Variants in SUFU observed in about 807,000 individuals in gnomAD.
SUFU encodes the protein SUFU negative regulator of hedgehog signaling, also known as suppressor of fused homolog.
A neutral mutation model predicts 58.9 loss-of-function variants in SUFU; 7 were observed. The ratio of observed to expected loss-of-function variants is 0.12; its 90% CI spans 0.07 to 0.22. The LOEUF is 0.22. SUFU is among the 10% of genes least tolerant of loss of function. SUFU has a pLI of 1.00. For synonymous variants in SUFU, 232 were observed against 254.8 expected (o/e 0.91, Z 0.85); for missense variants, 451 against 641.3 (o/e 0.70, Z 3.20).
At chr10:102,532,056 G>A (rs1162230416) in intron 2 of SUFU, among the ~76,000 whole-genome samples, 1 of 151,880 alleles carries the variant, frequency 6.6e-6, no homozygotes, top group Non-Finnish European at 1.5e-5. Flanking sequence ...TCTGCCTCCC[G>A]AGTTCAAGCA....
At chr10:102,544,457 T>C (rs1268541328) in intron 2 of SUFU, among the ~76,000 whole-genome samples, 1 of 152,110 alleles carries the variant, frequency 6.6e-6, no homozygotes, top group African/African-American at 2.4e-5. Context: ...TCCCAGCACT[T>C]TGGGAGGCCG....
At chr10:102,525,251 C>T (rs565523683) in intron 2 of SUFU, among the ~76,000 whole-genome samples, 3 of 152,190 alleles carry the variant, frequency 2.0e-5, no homozygotes, top group South Asian at 2.1e-4. Context: ...GCTGGGATTA[C>T]AGGGCACGCT....
chr10:102,541,255 T>C (rs1179878963), intron 2 of SUFU, among the ~76,000 whole-genome samples: 1 of 152,194 alleles, frequency 6.6e-6, no homozygotes, highest in East Asian at 1.9e-4. Flanking sequence ...GTTACCCACC[T>C]CCACACCCTG....
In SUFU at chr10:102,615,402, G is replaced by A. The variant is rs767814106; in HGVS notation, c.1157G>A (p.Arg386Lys). ...ESGALIPLCL[R>K]GRLLHGRHFT... ...GGAGCCCTCATTCCTCTCTGCCTAA[G>A]GTGAGCGAGACAGCCCTGCCACACA... Residue 386 changes from arginine to lysine, a missense_variant and splice_region_variant, in exon 9 of 12, where the codon AGG becomes AAG. Arg to Lys is a conservative substitution (Grantham distance 26). Coordinates refer to ENST00000369902, the MANE Select transcript of SUFU (RefSeq NM_016169.4). The A allele has an allele frequency of 4.3e-6, 7 of 1,613,860 alleles. 1 individual carries two copies. The South Asian group carries it at 5.5e-5, about 13-fold the overall frequency.
At chr10:102,584,156 GTGTT>G (rs2063313342) in intron 3 of SUFU, among the ~76,000 whole-genome samples, 1 of 152,190 alleles carries the variant, frequency 6.6e-6, no homozygotes, top group African/African-American at 2.4e-5. Context: ...CTTAGATACT[GTGTT>G]TGGGCAAGTT....
chr10:102,589,962 G>GTT (rs961779456), intron 3 of SUFU, among the ~76,000 whole-genome samples: 13 of 145,192 alleles, frequency 9.0e-5, no homozygotes, highest in Admixed American at 4.8e-4. Flanking sequence ...CCAAATCTGA[G>GTT]TTTTTTTTTT....
chr10:102,582,972 C>G (rs1590052743), intron 3 of SUFU, among the ~76,000 whole-genome samples: 2 of 152,190 alleles, frequency 1.3e-5, no homozygotes, highest in Admixed American at 6.5e-5. Flanking sequence ...AGGAAGCCAG[C>G]TCCTGTAACC....
intron 6 of SUFU, among the ~76,000 whole-genome samples, 200 bp downstream of exon 6, chr10:102,594,265 A>G (rs982794314): frequency 6.6e-6 from 1 of 152,258 alleles, no homozygotes; most frequent in Non-Finnish European, 1.5e-5. Flanking sequence ...GTCCTCAGAC[A>G]TATGTATTTT....
At chr10:102,538,883 A>G (rs999902709) in intron 2 of SUFU, among the ~76,000 whole-genome samples, 5 of 152,236 alleles carry the variant, frequency 3.3e-5, no homozygotes, top group Non-Finnish European at 7.3e-5. Flanking sequence ...ACAGCCAGGA[A>G]GGGTGGCAGA....
chr10:102,509,129 C>T (rs1176974986), intron 1 of SUFU, 40 bp from the exon 2 acceptor site: 2 of 1,612,980 alleles, frequency 1.2e-6, no homozygotes, highest in Non-Finnish European at 8.5e-7. Context: ...TGTCTGATTT[C>T]CAGGCTTACA....
chr10:102,511,028 G>A (rs1248984901), intron 2 of SUFU, among the ~76,000 whole-genome samples: 2 of 150,408 alleles, frequency 1.3e-5, no homozygotes, highest in Non-Finnish European at 3.0e-5. Context: ...GGCTGAGGCA[G>A]GATAATTGCT....
chr10:102,583,708 CT>C (rs369276162), intron 3 of SUFU, among the ~76,000 whole-genome samples: 27 of 151,200 alleles, frequency 1.8e-4, no homozygotes, highest in African/African-American at 5.1e-4. Flanking sequence ...TTTCTTTTTT[CT>C]TTTTTTTTAA....
rs1267474171 is a variant in SUFU at position 102,630,915 on chromosome 10, G to A, written c.*760G>A. On this transcript the variant is annotated 3_prime_UTR_variant, in exon 12 of 12. Coordinates refer to ENST00000369902, the MANE Select transcript of SUFU (RefSeq NM_016169.4). ...GGGCCTGGTGGAGCCCGGGGCAGGG[G>A]GAGAGTAGAGACACTCCCTTGTGCA... 4 of 235,516 alleles carry A rather than the reference G, an allele frequency of 1.7e-5. No individual in the cohort carries two copies. The East Asian group carries it at 2.4e-4, about 14-fold the overall frequency. 14.6% of individuals were successfully genotyped at this position (235,516 alleles called of 1,614,324 possible). A position where few individuals can be genotyped will look rare whatever the true frequency, so the allele number is the denominator to read the frequency against.
At chr10:102,542,712 C>G (rs1327840170) in intron 2 of SUFU, among the ~76,000 whole-genome samples, 1 of 150,170 alleles carries the variant, frequency 6.7e-6, no homozygotes, top group South Asian at 2.1e-4. Context: ...GTACCTTCTG[C>G]TTCCTGGATT....
At chr10:102,543,285 A>G (rs570164579) in intron 2 of SUFU, among the ~76,000 whole-genome samples, 270 of 152,156 alleles carry the variant, frequency 1.8e-3, no homozygotes, top group African/African-American at 6.2e-3. Flanking sequence ...CATTGTTTTC[A>G]TTTGCATTTC....
intron 1 of SUFU, among the ~76,000 whole-genome samples, chr10:102,506,023 C>A (rs2062321059): frequency 7.0e-6 from 1 of 142,730 alleles, no homozygotes. Context: ...GTAGCCAGAC[C>A]CTAACTCTGT....
chr10:102,586,765 A>G (rs922179443), intron 3 of SUFU, among the ~76,000 whole-genome samples: 1 of 152,220 alleles, frequency 6.6e-6, no homozygotes, highest in Non-Finnish European at 1.5e-5. Context: ...TATTAAGTAC[A>G]TTCACATTGT....
At chr10:102,612,265 C>T (rs77114650) in intron 8 of SUFU, among the ~76,000 whole-genome samples, 2,091 of 151,572 alleles carry the variant, frequency 0.014, 27 homozygotes, top group Non-Finnish European at 0.023. Context: ...AGCAGCATGC[C>T]GGAAATACCC....
chr10:102,567,600 C>G (rs932793639), intron 3 of SUFU, among the ~76,000 whole-genome samples: 5 of 152,086 alleles, frequency 3.3e-5, no homozygotes, highest in African/African-American at 1.2e-4. Context: ...CTCACAGAGC[C>G]CTCTCTCTGG....
Sources: gnomAD v4.1 joint callset for allele counts (sites outside exome capture counted in the v4.1 genomes callset) on GRCh38, gnomAD v4.1.1 for gene constraint, MANE v1.5 for transcripts, NCBI Gene and HGNC (gene_info 2026-07-23, HGNC 2026-07-21) for gene names.